The following KCNJ6 variants were observed in gnomAD, a reference collection of about 807,000 sequenced individuals.
The protein encoded by KCNJ6 is G protein-activated inward rectifier potassium channel 2.
Under a neutral mutation model 34.2 loss-of-function variants are expected in KCNJ6, and 9 were observed. The ratio of observed to expected loss-of-function variants is 0.26; its 90% CI spans 0.16 to 0.46. The LOEUF (loss-of-function observed/expected upper bound fraction) is 0.46. Ranked by LOEUF, KCNJ6 falls within the 20% of genes least tolerant of loss-of-function variation. The pLI is 1.00. For synonymous variants in KCNJ6, 196 were observed against 207.1 expected (o/e 0.95, Z 0.46); for missense variants, 236 against 531.3 (o/e 0.44, Z 5.46).
intron 3 of KCNJ6, among the ~76,000 whole-genome samples, chr21:37,655,235 GAGAGA>G (rs2054457021): frequency 7.8e-4 from 2 of 2,550 alleles, no homozygotes; most frequent in African/African-American, 2.3e-3. Context: ...GAGAGAGAGA[GAGAGA>G]GAGAGAGAGA....
At position 37,607,497 on chromosome 21, in the gene KCNJ6, TA is replaced by T. The variant is rs1569427916; in HGVS notation, c.*17661del. On this transcript the variant is annotated 3_prime_UTR_variant, in exon 4 of 4. Transcript: ENST00000609713. ...ATATATATATATTTTTTTTTTATTT[TA>T]AAAAAATTTGGCATTGTAGTGATTT... is the stretch of plus-strand genomic sequence containing the variant. 1 of 148,758 alleles carries T rather than the reference TA, an allele frequency of 6.7e-6. No individual in the cohort carries two copies. Among genetic ancestry groups the T allele is most frequent in the African/African-American group, 2.5e-5 (1 of 40,776 alleles). The allele number at this position is 148,758 out of a possible 1,614,324, so 9.2% of individuals were successfully genotyped here. A position where few individuals can be genotyped will look rare whatever the true frequency, so the allele number is the denominator to read the frequency against.
chr21:37,867,953 G>C (rs565152653), intron 1 of KCNJ6, among the ~76,000 whole-genome samples: 1 of 152,314 alleles, frequency 6.6e-6, no homozygotes, highest in South Asian at 2.1e-4. Flanking sequence ...CAGGTAGCTG[G>C]GGACAGAAAG....
chr21:37,672,565 CA>C (rs1303688454), intron 3 of KCNJ6, among the ~76,000 whole-genome samples: 2 of 151,970 alleles, frequency 1.3e-5, no homozygotes, highest in African/African-American at 4.8e-5. Context: ...GGTTCTCTGA[CA>C]TCTCTTTTTA....
chr21:37,805,278 A>G (rs1404704782), intron 2 of KCNJ6, among the ~76,000 whole-genome samples: 2 of 152,072 alleles, frequency 1.3e-5, no homozygotes, highest in African/African-American at 2.4e-5. Flanking sequence ...TTATATTTCA[A>G]TGAAAATAAT....
intron 2 of KCNJ6, among the ~76,000 whole-genome samples, chr21:37,742,787 G>A (rs1258555068): frequency 6.6e-6 from 1 of 152,186 alleles, no homozygotes; most frequent in Non-Finnish European, 1.5e-5. Context: ...TTCCTGTCCT[G>A]CTTTAAATTG....
intron 3 of KCNJ6, among the ~76,000 whole-genome samples, chr21:37,708,805 G>T (rs962081869): frequency 6.6e-6 from 1 of 152,150 alleles, no homozygotes; most frequent in Non-Finnish European, 1.5e-5. Context: ...AATAAGATTT[G>T]AAAAATGTAG....
intron 2 of KCNJ6, among the ~76,000 whole-genome samples, chr21:37,789,723 G>A (rs1248325400): frequency 2.0e-5 from 3 of 152,218 alleles, no homozygotes; most frequent in African/African-American, 7.2e-5. Flanking sequence ...AGTTTACATT[G>A]CATGGAAAGC....
chr21:37,757,773 G>A (rs571490403), intron 2 of KCNJ6, among the ~76,000 whole-genome samples: 11 of 152,372 alleles, frequency 7.2e-5, no homozygotes, highest in South Asian at 6.2e-4. Context: ...TCCCTATTAC[G>A]GAGAAGAGAA....
chr21:37,664,453 TA>T (rs1284455529), intron 3 of KCNJ6, among the ~76,000 whole-genome samples: 4 of 151,832 alleles, frequency 2.6e-5, no homozygotes, highest in African/African-American at 9.7e-5. Flanking sequence ...ATTAATACAG[TA>T]AAAAAATATA....
At chr21:37,688,718 G>T (rs2054626517) in intron 3 of KCNJ6, among the ~76,000 whole-genome samples, 1 of 152,208 alleles carries the variant, frequency 6.6e-6, no homozygotes, top group African/African-American at 2.4e-5. Context: ...GCCAGATAAG[G>T]CACCAGAGAT....
At chr21:37,746,728 G>C (rs1189096605) in intron 2 of KCNJ6, among the ~76,000 whole-genome samples, 1 of 152,156 alleles carries the variant, frequency 6.6e-6, no homozygotes, top group Non-Finnish European at 1.5e-5. Context: ...CACATAACAA[G>C]AGCTAAAGAA....
At chr21:37,809,060 A>G (rs2055308038) in intron 2 of KCNJ6, among the ~76,000 whole-genome samples, 1 of 152,232 alleles carries the variant, frequency 6.6e-6, no homozygotes, top group Admixed American at 6.5e-5. Context: ...ATGCTGCTAT[A>G]AAGACACATG....
At chr21:37,896,492 G>A (rs1413018501) in intron 1 of KCNJ6, among the ~76,000 whole-genome samples, 1 of 152,168 alleles carries the variant, frequency 6.6e-6, no homozygotes, top group South Asian at 2.1e-4. Flanking sequence ...CATGGGGTTC[G>A]GCTGTGTCTT....
chr21:37,759,025 C>A (rs2055046665), intron 2 of KCNJ6, among the ~76,000 whole-genome samples: 1 of 152,218 alleles, frequency 6.6e-6, no homozygotes, highest in African/African-American at 2.4e-5. Context: ...CTCAGTCTGA[C>A]CCCCAAGGCC....
chr21:37,641,153 T>A lies in KCNJ6; in HGVS notation c.947-15669A>T, dbSNP rs147791575. 6.1e-3 allele frequency among the ~76,000 whole-genome samples: 930 copies of A among 152,308 alleles called. 6 individuals are homozygous for A. The highest frequency in any genetic ancestry group is 0.021 in the African/African-American group (861 of 41,550). ...TTGTAACTGTCAATACTTGTCTGTA[T>A]CTCTCTCAAGTCTGGGGATGGGGGT... On this transcript the variant is annotated intron_variant, in intron 3 of 3. Transcript: ENST00000609713.
At chr21:37,769,178 G>A (rs1341473773) in intron 2 of KCNJ6, among the ~76,000 whole-genome samples, 1 of 152,118 alleles carries the variant, frequency 6.6e-6, no homozygotes, top group Non-Finnish European at 1.5e-5. Flanking sequence ...GTCAGTGTGG[G>A]CAGGCAATTT....
intron 2 of KCNJ6, among the ~76,000 whole-genome samples, chr21:37,738,883 A>G (rs973958689): frequency 6.6e-6 from 1 of 152,260 alleles, no homozygotes; most frequent in African/African-American, 2.4e-5. Flanking sequence ...TACAAACAAA[A>G]ACATCCTCTT....
At chr21:37,673,477 G>C (rs554298071) in intron 3 of KCNJ6, among the ~76,000 whole-genome samples, 1 of 152,246 alleles carries the variant, frequency 6.6e-6, no homozygotes, top group South Asian at 2.1e-4. Context: ...TCAGGGATAG[G>C]ATTTGTCTCT....
intron 3 of KCNJ6, among the ~76,000 whole-genome samples, chr21:37,628,563 G>T (rs1366886494): frequency 6.6e-6 from 1 of 152,082 alleles, no homozygotes; most frequent in Non-Finnish European, 1.5e-5. Context: ...GCATACCAAC[G>T]TACGCATAAT....
Sources: allele counts gnomAD v4.1 joint callset (sites outside exome capture counted in the v4.1 genomes callset), GRCh38; gene constraint gnomAD v4.1.1; transcripts MANE v1.5; gene names NCBI Gene and HGNC (gene_info 2026-07-23, HGNC 2026-07-21).